RAB6B: variants seen among roughly 807,000 people sequenced by gnomAD.
The protein encoded by RAB6B is ras-related protein Rab-6B.
In RAB6B, 7 loss-of-function variants were observed where a neutral mutation model predicts 31.2. The ratio of observed to expected loss-of-function variants is 0.22; its 90% CI spans 0.13 to 0.42. RAB6B has a LOEUF of 0.42. Ranked by LOEUF, RAB6B falls within the 10% of genes least tolerant of loss-of-function variation. RAB6B has a pLI of 1.00. For missense variants in RAB6B, 149 were observed against 280.6 expected, an observed-to-expected ratio of 0.53 and a Z score of 3.35; for synonymous variants, 105 against 104.9, an observed-to-expected ratio of 1.00 and a Z score of -0.01.
intron 1 of RAB6B, among the ~76,000 whole-genome samples, chr3:133,872,048 T>C (rs1936333201): frequency 6.6e-6 from 1 of 152,128 alleles, no homozygotes; most frequent in African/African-American, 2.4e-5. Flanking sequence ...ACCTCTCAGA[T>C]GCCTGTGTTT....
At position 133,828,390 on chromosome 3, in the gene RAB6B, A is replaced by AC; in HGVS notation, c.*397_*398insG. ...TGATGAATGGTTCAAAGAGAACAGG[A>AC]AGGAGGAGGTGTGTGGAAAAGGTTC... On this transcript the variant is annotated 3_prime_UTR_variant, in exon 8 of 8. Transcript: ENST00000285208. 1 of 355,524 alleles carries AC rather than the reference A, an allele frequency of 2.8e-6. No individual in the cohort carries two copies. The allele number at this position is 355,524 out of a possible 1,614,324, so 22.0% of individuals were successfully genotyped here.
chr3:133,889,423 TA>T (rs1936602839), intron 1 of RAB6B, among the ~76,000 whole-genome samples: 4 of 63,514 alleles, frequency 6.3e-5, no homozygotes, highest in African/African-American at 2.5e-4. Context: ...TATATATATA[TA>T]TATATATATA....
chr3:133,892,702 G>T (rs1936653092), intron 1 of RAB6B, among the ~76,000 whole-genome samples: 1 of 152,202 alleles, frequency 6.6e-6, no homozygotes, highest in Non-Finnish European at 1.5e-5. Context: ...AGACTCCGCT[G>T]AGCTCAGCTG....
chr3:133,848,925 T>C (rs1935941982), intron 2 of RAB6B, among the ~76,000 whole-genome samples: 2 of 152,212 alleles, frequency 1.3e-5, no homozygotes, highest in South Asian at 4.1e-4. Flanking sequence ...CTCTAAGAGA[T>C]AGCTCAAACA....
chr3:133,833,381 C>T (rs961021671), intron 7 of RAB6B, among the ~76,000 whole-genome samples: 2 of 152,148 alleles, frequency 1.3e-5, no homozygotes, highest in Admixed American at 6.5e-5. Flanking sequence ...TCTGGTGACA[C>T]ACAGACCGTG....
intron 2 of RAB6B, among the ~76,000 whole-genome samples, chr3:133,861,359 CAT>C (rs937749265): frequency 2.6e-5 from 4 of 152,060 alleles, no homozygotes; most frequent in Admixed American, 6.6e-5. Context: ...CATGAGAACA[CAT>C]GTGTGTATGT....
At chr3:133,841,864 G>A (rs1482299728) in intron 2 of RAB6B, among the ~76,000 whole-genome samples, 14 of 152,200 alleles carry the variant, frequency 9.2e-5, no homozygotes, top group Non-Finnish European at 1.8e-4. Context: ...GGAAAGATGA[G>A]GGTGGCCTTT....
At chr3:133,830,368 T>C (rs1935638926) in intron 7 of RAB6B, among the ~76,000 whole-genome samples, 1 of 152,242 alleles carries the variant, frequency 6.6e-6, no homozygotes, top group Non-Finnish European at 1.5e-5. Flanking sequence ...CTCTGGCATT[T>C]AAGGCCTCCC....
chr3:133,857,236 T>C (rs1237881861), intron 2 of RAB6B, among the ~76,000 whole-genome samples: 2 of 152,098 alleles, frequency 1.3e-5, no homozygotes, highest in African/African-American at 4.8e-5. Context: ...ATAGTTCAAA[T>C]ACAAATTAAT....
At chr3:133,894,956 A>AC (rs1450679393) in intron 1 of RAB6B, among the ~76,000 whole-genome samples, 1 of 151,948 alleles carries the variant, frequency 6.6e-6, no homozygotes, top group East Asian at 1.9e-4. Context: ...GCCCGGCCAG[A>AC]CCCCAGCTTC....
Position 133,828,390 on chromosome 3 carries a change from A to C in RAB6B, c.*398T>G. ...TGATGAATGGTTCAAAGAGAACAGGAAGGAGGAGGTGTGTGGAAAAGGTTC... is the reference window on the plus strand; with the variant it reads ...TGATGAATGGTTCAAAGAGAACAGGCAGGAGGAGGTGTGTGGAAAAGGTTC... On this transcript the variant is annotated 3_prime_UTR_variant, in exon 8 of 8. Coordinates refer to ENST00000285208, the MANE Select transcript of RAB6B (RefSeq NM_016577.4). The C allele has an allele frequency of 2.8e-6, 1 of 355,524 alleles. No individual in the cohort carries two copies. Among genetic ancestry groups the C allele is most frequent in the Non-Finnish European group, 5.1e-6 (1 of 195,202 alleles). The allele number at this position is 355,524 out of a possible 1,614,324, so 22.0% of individuals were successfully genotyped here.
chr3:133,881,883 G>C (rs180831555), intron 1 of RAB6B, among the ~76,000 whole-genome samples: 260 of 152,290 alleles, frequency 1.7e-3, no homozygotes, highest in Non-Finnish European at 3.1e-3. Context: ...ATCTGTATTA[G>C]TTATCTGTTG....
intron 2 of RAB6B, among the ~76,000 whole-genome samples, chr3:133,863,471 G>A (rs917619588): frequency 1.8e-4 from 27 of 152,150 alleles, no homozygotes; most frequent in Non-Finnish European, 1.9e-4. Context: ...AGCAGTCCCC[G>A]CTGTGTTCTA....
chr3:133,878,724 A>C (rs1247893110), intron 1 of RAB6B, among the ~76,000 whole-genome samples: 1 of 152,264 alleles, frequency 6.6e-6, no homozygotes, highest in Non-Finnish European at 1.5e-5. Flanking sequence ...AGACCTAAGA[A>C]AACATAGAGA....
chr3:133,894,266 T>A (rs975619931), intron 1 of RAB6B: 3 of 152,282 alleles, frequency 2.0e-5, no homozygotes, highest in African/African-American at 4.8e-5. Flanking sequence ...TGACCAGAGC[T>A]CAGTTTGTCT....
Position 133,828,703 on chromosome 3 carries a change from G to T in RAB6B, c.*85C>A. ...AAAATCCTCCCATCTTGATAACTCG[G>T]TTCCCTCCCCCCTTAGGAAGCTAGC... is the stretch of plus-strand genomic sequence containing the variant. On this transcript the variant is annotated 3_prime_UTR_variant, in exon 8 of 8. Transcript: ENST00000285208. The T allele has an allele frequency of 1.4e-6, 2 of 1,415,648 alleles. No homozygotes were observed. Among genetic ancestry groups the T allele is most frequent in the East Asian group, 2.3e-5 (1 of 43,866 alleles). 87.7% of individuals were successfully genotyped at this position (1,415,648 alleles called of 1,614,324 possible).
At chr3:133,849,301 A>G (rs1268367192) in intron 2 of RAB6B, among the ~76,000 whole-genome samples, 3 of 152,204 alleles carry the variant, frequency 2.0e-5, no homozygotes, top group Non-Finnish European at 4.4e-5. Context: ...CCCACGAGTC[A>G]TGTGCATCAG....
At chr3:133,835,591 G>A (rs1935723567) in intron 6 of RAB6B, among the ~76,000 whole-genome samples, 1 of 151,956 alleles carries the variant, frequency 6.6e-6, no homozygotes, top group African/African-American at 2.4e-5. Flanking sequence ...CAGGTACGAG[G>A]CAGAAGTATG....
intron 1 of RAB6B, among the ~76,000 whole-genome samples, chr3:133,873,841 A>G (rs1421027613): frequency 6.6e-6 from 1 of 152,250 alleles, no homozygotes. Flanking sequence ...CCTTCCTGAT[A>G]ACATAAACAG....
Sources: allele counts gnomAD v4.1 joint callset (sites outside exome capture counted in the v4.1 genomes callset), GRCh38; gene constraint gnomAD v4.1.1; transcripts MANE v1.5; gene names NCBI Gene and HGNC (gene_info 2026-07-23, HGNC 2026-07-21).